Variants in UBE2O observed in about 807,000 individuals in gnomAD.
The protein encoded by UBE2O is (E3-independent) E2 ubiquitin-conjugating enzyme.
UBE2O carries 15 observed loss-of-function variants against 125.8 expected under a neutral mutation model. That is an observed-to-expected ratio of 0.12 (90% CI 0.08 to 0.18). The LOEUF is 0.18. Ranked by LOEUF, UBE2O falls within the 10% of genes least tolerant of loss-of-function variation. UBE2O has a pLI of 1.00. For synonymous variants in UBE2O, 708 were observed against 703.2 expected (o/e 1.01, Z -0.11); for missense variants, 1,280 against 1,723.6 (o/e 0.74, Z 4.56).
intron 1 of UBE2O, among the ~76,000 whole-genome samples, chr17:76,408,280 T>C (rs773929331): frequency 6.6e-6 from 1 of 152,238 alleles, no homozygotes; most frequent in Non-Finnish European, 1.5e-5. Flanking sequence ...TTTCGCCTCA[T>C]GCTAACCAGG....
chr17:76,437,383 G>A (rs902817333), intron 1 of UBE2O, among the ~76,000 whole-genome samples: 1 of 150,194 alleles, frequency 6.7e-6, no homozygotes, highest in African/African-American at 2.5e-5. Context: ...CTGGGAGGCG[G>A]AGCTTGCAGT....
Position 76,402,667 on chromosome 17 carries a change from G to A in UBE2O, c.621C>T (p.Asp207=). The A allele has an allele frequency of 6.2e-6, 10 of 1,614,172 alleles. No individual in the cohort carries two copies. The highest frequency in any genetic ancestry group is 7.6e-6 in the Non-Finnish European group (9 of 1,180,022). ...AGTCGTAGACCTTCCCCAGCCAGCA[G>A]TCATAGGCAATGTAGTCCCCATACA... The part of the protein sequence containing the change: ...PFMYGDYIAY[D]CWLGKVYDLK... The change falls in exon 4 of 18, where the codon GAC becomes GAT. Residue 207 remains aspartate, a synonymous_variant. Transcript: ENST00000319380. This position sits in a 1 kb window ranked among gnomAD's most constrained non-coding sequence, Gnocchi z 5.4.
intron 15 of UBE2O, among the ~76,000 whole-genome samples, chr17:76,394,863 T>C (rs7209271): frequency 6.6e-6 from 1 of 150,654 alleles, no homozygotes; most frequent in Non-Finnish European, 1.5e-5. Flanking sequence ...AATCATAATA[T>C]AATTAATTTC....
intron 1 of UBE2O, among the ~76,000 whole-genome samples, chr17:76,409,873 C>T (rs1425289845): frequency 6.6e-6 from 1 of 152,144 alleles, no homozygotes; most frequent in East Asian, 1.9e-4. Flanking sequence ...TGCAGACAGA[C>T]AGACGCAGAG....
chr17:76,431,426 G>C (rs2072905070), intron 1 of UBE2O, among the ~76,000 whole-genome samples: 1 of 152,196 alleles, frequency 6.6e-6, no homozygotes. Context: ...TGAGGCAGGA[G>C]AATTGCTTGA....
chr17:76,432,031 T>C (rs1250214191), intron 1 of UBE2O, among the ~76,000 whole-genome samples: 8 of 152,180 alleles, frequency 5.3e-5, no homozygotes, highest in African/African-American at 1.9e-4. Flanking sequence ...CAAAATTAGA[T>C]TAGATTCTTA....
rs576765590 is a variant in UBE2O, at chr17:76,422,278, G to A, written c.418-16706C>T. Reference sequence around the variant, plus strand: ...GAAGCACGACCTAAATGAACAACACGGGGAGAGGGCATGGGCAAAGGGCGG... The same window carrying A: ...GAAGCACGACCTAAATGAACAACACAGGGAGAGGGCATGGGCAAAGGGCGG... On this transcript the variant is annotated intron_variant, in intron 1 of 17. Coordinates refer to ENST00000319380, the MANE Select transcript of UBE2O (RefSeq NM_022066.4). Among the ~76,000 whole-genome samples, 17 of 152,282 alleles carry A rather than the reference G, an allele frequency of 1.1e-4. No individual in the cohort carries two copies. The East Asian group carries it at 1.3e-3, about 12-fold the overall frequency.
rs569265734 is a variant in UBE2O, at chr17:76,399,046, G to A, written c.1629-55C>T. On this transcript the variant is annotated intron_variant, in intron 9 of 17. Coordinates refer to ENST00000319380, the MANE Select transcript of UBE2O (RefSeq NM_022066.4). This position sits in a 1 kb window ranked among gnomAD's most constrained non-coding sequence, Gnocchi z 6.9. ...GCAAACCCCACCCCCTCCGCGGAAA[G>A]GGCAGAGAGTCTTTCTGTCCCTTCC... 115 of 1,589,984 alleles carry A rather than the reference G, an allele frequency of 7.2e-5. No homozygotes were observed. Among genetic ancestry groups the A allele is most frequent in the Non-Finnish European group, 9.2e-5 (107 of 1,169,306 alleles).
In UBE2O at chr17:76,396,107, A is replaced by G; in HGVS notation, c.2809+21T>C. The G allele has an allele frequency of 6.2e-7, 1 of 1,609,176 alleles. No individual in the cohort carries two copies. The highest frequency in any genetic ancestry group is 2.2e-5 in the East Asian group (1 of 44,840). ...CCCGAGAAGGCGGGGGAAGGCGAAG[A>G]CCAGGCAAGGGCTGACTCACAGGGT... On this transcript the variant is annotated intron_variant, in intron 14 of 17. Coordinates refer to ENST00000319380, the MANE Select transcript of UBE2O (RefSeq NM_022066.4). The surrounding 1 kb of genome is among the most constrained non-coding windows in gnomAD (Gnocchi z 6.7).
intron 1 of UBE2O, among the ~76,000 whole-genome samples, chr17:76,415,528 G>C (rs2072585277): frequency 6.6e-6 from 1 of 152,222 alleles, no homozygotes; most frequent in Non-Finnish European, 1.5e-5. Flanking sequence ...CCCTGGGCCT[G>C]GCGAGGTGGC....
rs2073290151 is a variant in UBE2O at position 76,453,152 on chromosome 17, C to G, written c.-11G>C. ...TGCGGGATCCGCCATAACTGCTCTG[C>G]GCGAGTCTCGGGCGGCGGCGGCGAC... On this transcript the variant is annotated 5_prime_UTR_variant, in exon 1 of 18. Coordinates refer to ENST00000319380, the MANE Select transcript of UBE2O (RefSeq NM_022066.4). 2 of 561,316 alleles carry G rather than the reference C, an allele frequency of 3.6e-6. No individual in the cohort carries two copies. Among genetic ancestry groups the G allele is most frequent in the Non-Finnish European group, 5.3e-6 (2 of 376,656 alleles). The allele number at this position is 561,316 out of a possible 1,614,324, so 34.8% of individuals were successfully genotyped here.
chr17:76,415,533 G>A (rs2072585565), intron 1 of UBE2O, among the ~76,000 whole-genome samples: 1 of 152,186 alleles, frequency 6.6e-6, no homozygotes, highest in Admixed American at 6.5e-5. Context: ...GGCCTGGCGA[G>A]GTGGCTCACA....
chr17:76,426,037 C>G (rs1355584189), intron 1 of UBE2O, among the ~76,000 whole-genome samples: 1 of 152,226 alleles, frequency 6.6e-6, no homozygotes, highest in Non-Finnish European at 1.5e-5. Flanking sequence ...GGGTCTCACT[C>G]TGTCACCTAG....
At position 76,425,364 on chromosome 17, in the gene UBE2O, TA is replaced by T. The variant is rs966857367; in HGVS notation, c.418-19793del. Among the ~76,000 whole-genome samples the T allele has an allele frequency of 2.7e-3, 403 of 149,498 alleles. 1 individual carries two copies. The highest frequency in any genetic ancestry group is 0.01 in the Middle Eastern group (3 of 294). On this transcript the variant is annotated intron_variant, in intron 1 of 17. Transcript: ENST00000319380. ...GTATCAAAACAATGCATGCCTAAGT[TA>T]AAAAAAAAACATAGTACTAAAAGGC... is the stretch of plus-strand genomic sequence containing the variant.
chr17:76,437,935 G>A (rs1598619233), intron 1 of UBE2O, among the ~76,000 whole-genome samples: 1 of 152,148 alleles, frequency 6.6e-6, no homozygotes, highest in African/African-American at 2.4e-5. Context: ...CTAAATACAC[G>A]CTTCGAAGGG....
Position 76,390,791 on chromosome 17 carries a change from G to A in UBE2O, c.*152C>T, listed in dbSNP as rs970410823. 2 of 707,820 alleles carry A rather than the reference G, an allele frequency of 2.8e-6. No homozygotes were observed. Among genetic ancestry groups the A allele is most frequent in the Admixed American group, 6.3e-5 (2 of 31,920 alleles). 43.8% of individuals were successfully genotyped at this position (707,820 alleles called of 1,614,324 possible). On this transcript the variant is annotated 3_prime_UTR_variant, in exon 18 of 18. Coordinates refer to ENST00000319380, the MANE Select transcript of UBE2O (RefSeq NM_022066.4). The stretch of plus-strand genomic sequence containing the variant: ...ACGGCAGCATCTCAACACACTTCTT[G>A]CACTTCAGCATCAAACTCACCTTGG...
At chr17:76,394,773 G>A (rs944448245) in intron 15 of UBE2O, among the ~76,000 whole-genome samples, 10 of 152,162 alleles carry the variant, frequency 6.6e-5, no homozygotes, top group African/African-American at 2.4e-4. Flanking sequence ...TCTGGTCAAA[G>A]GCAACTTTAG....
chr17:76,424,053 C>G (rs1489895228), intron 1 of UBE2O, among the ~76,000 whole-genome samples: 1 of 151,368 alleles, frequency 6.6e-6, no homozygotes, highest in African/African-American at 2.4e-5. Flanking sequence ...GACTACAGGC[C>G]CCCGCCACCA....
At chr17:76,393,433 C>A (rs2072149916) in intron 15 of UBE2O, among the ~76,000 whole-genome samples, 1 of 151,844 alleles carries the variant, frequency 6.6e-6, no homozygotes, top group South Asian at 2.1e-4. Flanking sequence ...CGGGGTTTCA[C>A]CATGTTGGTC....
Sources: gnomAD v4.1 joint callset for allele counts (sites outside exome capture counted in the v4.1 genomes callset) on GRCh38, gnomAD v4.1.1 for gene constraint, Gnocchi (gnomAD v3.1) non-coding constraint, MANE v1.5 for transcripts, NCBI Gene and HGNC (gene_info 2026-07-23, HGNC 2026-07-21) for gene names.